Variants in ADGRG3 observed in about 807,000 individuals in gnomAD.
ADGRG3 encodes adhesion G protein-coupled receptor G3.
In ADGRG3, 39 loss-of-function variants were observed where a neutral mutation model predicts 54.3. The ratio of observed to expected loss-of-function variants is 0.72; its 90% CI spans 0.56 to 0.94. The LOEUF is 0.94. ADGRG3 is among the 40% of genes least tolerant of loss of function. The pLI is 0.00. For missense variants in ADGRG3, 654 were observed against 694.6 expected (o/e 0.94, Z 0.66); for synonymous variants, 312 against 290.0 (o/e 1.08, Z -0.77).
chr16:57,679,357 C>G (rs746378278), intron 5 of ADGRG3, 46 bp downstream of exon 5: 1 of 1,605,052 alleles, frequency 6.2e-7, no homozygotes, highest in Non-Finnish European at 8.5e-7. Flanking sequence ...GGCAGACAGG[C>G]GAGTGGGCAC....
rs2048343058 is a variant in ADGRG3 at position 57,680,223 on chromosome 16, C to T, written c.668-42C>T. ...CTCTCCCCTCCCTTGCCCTCCCCTC[C>T]CTATATTCCCTTTCCCTCTGTTCCC... On this transcript the variant is annotated intron_variant, in intron 6 of 11. Transcript: ENST00000333493. 5 of 1,241,246 alleles carry T rather than the reference C, an allele frequency of 4.0e-6. No homozygotes were observed. The South Asian group carries it at 6.0e-5, about 15-fold the overall frequency. 76.9% of individuals were successfully genotyped at this position (1,241,246 alleles called of 1,614,324 possible). A position where few individuals can be genotyped will look rare whatever the true frequency, so the allele number is the denominator to read the frequency against.
At chr16:57,668,283 G>A, upstream of ADGRG3, 1 of 1,399,846 alleles carries the variant, frequency 7.1e-7, no homozygotes. Flanking sequence ...GGCCAGCTCA[G>A]CAGAGCCTGG....
In ADGRG3 at chr16:57,679,189, G is replaced by A. The variant is rs748394746; in HGVS notation, c.505G>A (p.Gly169Ser). 8 of 1,613,714 alleles carry A rather than the reference G, an allele frequency of 5.0e-6. No individual in the cohort carries two copies. Among genetic ancestry groups the A allele is most frequent in the South Asian group, 2.2e-5 (2 of 91,084 alleles). ...PGTLFKGPRL[G>S]LGDGSGVLNN... is the part of the protein sequence containing the mutation. ...TCCCCTTTCACAGGGCCCCCGGCTC[G>A]GCCTGGGAGATGGCAGCGGCGTGTT... is the stretch of plus-strand genomic sequence containing the variant. Residue 169 changes from glycine (G) to serine (S), a missense_variant, in exon 5 of 12, where the codon GGC becomes AGC. Physicochemically the swap from Gly to Ser is moderately conservative, Grantham distance 56. Coordinates refer to ENST00000333493, the MANE Select transcript of ADGRG3 (RefSeq NM_170776.5).
At chr16:57,683,887 C>G in intron 8 of ADGRG3, 45 bp from the exon 9 acceptor site, 1 of 1,506,530 alleles carries the variant, frequency 6.6e-7, no homozygotes, top group Non-Finnish European at 8.9e-7. Flanking sequence ...TGGGAGCTCC[C>G]CATGGGAGCT....
chr16:57,668,651 C>T (rs1195545284), intron 1 of ADGRG3, among the ~76,000 whole-genome samples: 4 of 152,210 alleles, frequency 2.6e-5, no homozygotes, highest in Non-Finnish European at 5.9e-5. Flanking sequence ...TCCACAGTGC[C>T]CTGGAGATAG....
Position 57,684,051 on chromosome 16 carries a change from C to G in ADGRG3, c.1001C>G (p.Ser334Cys). The G allele has an allele frequency of 6.2e-7, 1 of 1,614,034 alleles. No individual in the cohort carries two copies. Among genetic ancestry groups the G allele is most frequent in the Non-Finnish European group, 8.5e-7 (1 of 1,179,936 alleles). The change falls in exon 9 of 12, where the codon TCT becomes TGT. Residue 334 changes from serine (S) to cysteine (C), a missense_variant. Physicochemically the swap from Ser to Cys is moderately radical, Grantham distance 112. Transcript: ENST00000333493. ...LVNVGSGSKG[S>C]DAACWARGAV... is the part of the protein sequence containing the mutation. ...AATGTGGGGAGTGGCTCAAAGGGGTCTGATGCTGCCTGCTGGGCCCGGGGG... is the reference window on the plus strand; with the variant it reads ...AATGTGGGGAGTGGCTCAAAGGGGTGTGATGCTGCCTGCTGGGCCCGGGGG...
chr16:57,679,370 C>G (rs1394327312), intron 5 of ADGRG3, 59 bp downstream of exon 5: 8 of 1,572,688 alleles, frequency 5.1e-6, no homozygotes, highest in African/African-American at 2.7e-5. Flanking sequence ...GTGGGCACAC[C>G]TGGGCCCATG....
At position 57,678,297 on chromosome 16, in the gene ADGRG3, GTCC is replaced by G; in HGVS notation, c.474_476del (p.Pro159del). 6.2e-7 allele frequency: 1 copy of G among 1,614,208 alleles called. No homozygotes were observed. Among genetic ancestry groups the G allele is most frequent in the Admixed American group, 1.7e-5 (1 of 60,020 alleles). The stretch of plus-strand genomic sequence containing the variant: ...TTGGCCGTCACCATTCTGGACATTG[GTCC>G]AGGGACTCTCTTCAAGGTGAGGACT... On this transcript the variant is annotated inframe_deletion, in exon 4 of 12. Coordinates refer to ENST00000333493, the MANE Select transcript of ADGRG3 (RefSeq NM_170776.5).
chr16:57,681,336 C>CTG (rs1286692798), intron 8 of ADGRG3: 1 of 137,966 alleles, frequency 7.2e-6, no homozygotes, highest in East Asian at 2.0e-4. Flanking sequence ...ATGTGTGTGT[C>CTG]TGTGTGTGTG....
In ADGRG3 at chr16:57,685,530, G is replaced by A. The variant is rs918763297; in HGVS notation, c.1257-113G>A. On this transcript the variant is annotated intron_variant, in intron 10 of 11. Transcript: ENST00000333493. The stretch of plus-strand genomic sequence containing the variant: ...ACAGCGGGAGAGCCAGGGATTGATG[G>A]GTGGAAATGGGAGAGGCACCTTCAC... 80 of 1,007,024 alleles carry A rather than the reference G, an allele frequency of 7.9e-5. No individual in the cohort carries two copies. In the Middle Eastern group the frequency reaches 8.6e-4, roughly 11 times the overall value. The allele number at this position is 1,007,024 out of a possible 1,614,324, so 62.4% of individuals were successfully genotyped here.
chr16:57,668,685 A>G (rs903597384), intron 1 of ADGRG3, among the ~76,000 whole-genome samples: 25 of 151,180 alleles, frequency 1.7e-4, no homozygotes, highest in Non-Finnish European at 3.2e-4. Flanking sequence ...GTGCTCCCTG[A>G]CTCCCCAACC....
At chr16:57,676,987 G>A (rs5014283) in intron 3 of ADGRG3, among the ~76,000 whole-genome samples, 3,751 of 152,322 alleles carry the variant, frequency 0.025, 131 homozygotes, top group African/African-American at 0.084. Flanking sequence ...GCAGCAAGGT[G>A]AGTTGGTTAG....
rs1394430155 is a variant in ADGRG3, at chr16:57,684,225, T to C, written c.1162+13T>C. 1 of 1,608,300 alleles carries C rather than the reference T, an allele frequency of 6.2e-7. No individual in the cohort carries two copies. The highest frequency in any genetic ancestry group is 8.5e-7 in the Non-Finnish European group (1 of 1,176,478). ...CTGGTGGGCTGGGGTAGGTGCTGCC[T>C]GGATGGACAGAATAAACGGCCGGCC... On this transcript the variant is annotated intron_variant, in intron 9 of 11. Coordinates refer to ENST00000333493, the MANE Select transcript of ADGRG3 (RefSeq NM_170776.5).
At chr16:57,668,663 G>A (rs1358387443) in intron 1 of ADGRG3, among the ~76,000 whole-genome samples, 1 of 152,092 alleles carries the variant, frequency 6.6e-6, no homozygotes, top group Non-Finnish European at 1.5e-5. Context: ...TGGAGATAGG[G>A]GAGGTCGGAG....
chr16:57,676,140 G>A (rs1318477995), intron 2 of ADGRG3, 60 bp from the exon 3 acceptor site: 3 of 1,527,150 alleles, frequency 2.0e-6, no homozygotes, highest in Non-Finnish European at 2.7e-6. Context: ...CCAGGAGCCT[G>A]ATGAGTGAGT....
rs1376984791 is a variant in ADGRG3 at position 57,688,469 on chromosome 16, C to T, written c.*8C>T. On this transcript the variant is annotated 3_prime_UTR_variant, in exon 12 of 12. Coordinates refer to ENST00000333493, the MANE Select transcript of ADGRG3 (RefSeq NM_170776.5). ...TCCGCATCTCAAGAATAGGAAGGCA[C>T]GGCCCTGCAATATGGACTCAGCTCT... The T allele has an allele frequency of 5.3e-6, 8 of 1,509,796 alleles. No individual in the cohort carries two copies. Among genetic ancestry groups the T allele is most frequent in the South Asian group, 3.4e-5 (3 of 89,022 alleles). 93.5% of individuals were successfully genotyped at this position (1,509,796 alleles called of 1,614,324 possible). A position where few individuals can be genotyped will look rare whatever the true frequency, so the allele number is the denominator to read the frequency against.
At chr16:57,677,760 T>C (rs907859520) in intron 3 of ADGRG3, among the ~76,000 whole-genome samples, 14 of 152,132 alleles carry the variant, frequency 9.2e-5, no homozygotes, top group Non-Finnish European at 1.5e-5. Flanking sequence ...TTCCTGACGG[T>C]TTTATTCTTT....
rs1412473420 is a variant in ADGRG3 at position 57,673,367 on chromosome 16, C to A, written c.105C>A (p.Ser35Arg). The A allele has an allele frequency of 6.2e-7, 1 of 1,613,770 alleles. No individual in the cohort carries two copies. Among genetic ancestry groups the A allele is most frequent in the African/African-American group, 1.3e-5 (1 of 74,916 alleles). The change falls in exon 2 of 12, where the codon AGC (serine) becomes AGA (arginine). Residue 35 changes from serine (S) to arginine (R), a missense_variant. Ser to Arg is a moderately radical substitution (Grantham distance 110). Coordinates refer to ENST00000333493, the MANE Select transcript of ADGRG3 (RefSeq NM_170776.5). ...TEGPRNTCLG[S>R]NNMYDIFNLN... The stretch of plus-strand genomic sequence containing the variant: ...GGCCAAGAAACACCTGCCTGGGGAG[C>A]AACAACATGTACGACATCTTCAACT...
chr16:57,676,458 C>T, intron 3 of ADGRG3, 120 bp downstream of exon 3: 1 of 907,892 alleles, frequency 1.1e-6, no homozygotes, highest in Non-Finnish European at 1.7e-6. Flanking sequence ...CCCCCACGTC[C>T]CAATTGGCAG....
Sources: allele counts gnomAD v4.1 joint callset (sites outside exome capture counted in the v4.1 genomes callset), GRCh38; gene constraint gnomAD v4.1.1; transcripts MANE v1.5; gene names NCBI Gene and HGNC (gene_info 2026-07-23, HGNC 2026-07-21).